The following ANKMY1 variants were observed in gnomAD, a reference collection of about 807,000 sequenced individuals.
The protein encoded by ANKMY1 is ankyrin repeat and MYND domain-containing protein 1.
ANKMY1 carries 98 observed loss-of-function variants against 102.0 expected under a neutral mutation model. The observed-to-expected ratio is 0.96, with a 90% CI of 0.82 to 1.14. ANKMY1 has a LOEUF of 1.14. Ranked by LOEUF, ANKMY1 falls within the 50% of genes most tolerant of loss-of-function variation. ANKMY1 has a pLI of 0.00. For synonymous variants in ANKMY1, 582 were observed against 559.9 expected, an observed-to-expected ratio of 1.04 and a Z score of -0.56; for missense variants, 1,330 against 1,347.6, an observed-to-expected ratio of 0.99 and a Z score of 0.20.
At chr2:240,531,271 C>CT (rs2085323774) in intron 4 of ANKMY1, among the ~76,000 whole-genome samples, 1 of 152,198 alleles carries the variant, frequency 6.6e-6, no homozygotes, top group South Asian at 2.1e-4. Flanking sequence ...ACAAGTGGAA[C>CT]TTTCGTATCT....
At chr2:240,559,637 G>A (rs1439184044), upstream of ANKMY1, among the ~76,000 whole-genome samples, 4 of 152,250 alleles carry the variant, frequency 2.6e-5, no homozygotes, top group Non-Finnish European at 4.4e-5. Flanking sequence ...GAAAGTTGGA[G>A]TCCTTCCTTA....
chr2:240,530,953 A>G (rs1272154471), intron 4 of ANKMY1, among the ~76,000 whole-genome samples: 1 of 152,144 alleles, frequency 6.6e-6, no homozygotes, highest in East Asian at 1.9e-4. Flanking sequence ...AGTAAAAAAA[A>G]AAAAGTCATT....
intron 4 of ANKMY1, among the ~76,000 whole-genome samples, chr2:240,544,166 T>C (rs184632970): frequency 6.6e-6 from 1 of 152,106 alleles, no homozygotes. Flanking sequence ...TATGAAGATA[T>C]ATATTTGTTA....
At position 240,520,604 on chromosome 2, in the gene ANKMY1, C is replaced by A. The variant is rs1017400368; in HGVS notation, c.1833-71G>T. 4.6e-6 allele frequency: 7 copies of A among 1,515,524 alleles called. No homozygotes were observed. The African/African-American group carries it at 8.3e-5, about 18-fold the overall frequency. 93.9% of individuals were successfully genotyped at this position (1,515,524 alleles called of 1,614,324 possible). A position where few individuals can be genotyped will look rare whatever the true frequency, so the allele number is the denominator to read the frequency against. On this transcript the variant is annotated intron_variant, in intron 8 of 17. Transcript: ENST00000401804. The surrounding 1 kb of genome is among the most constrained non-coding windows in gnomAD (Gnocchi z 4.8). ...GCACTGCGCCCAGAACGGGGCCATGCCAGCGAGGAGGCTGGGGAGGGGCGC... is the reference window on the plus strand; with the variant it reads ...GCACTGCGCCCAGAACGGGGCCATGACAGCGAGGAGGCTGGGGAGGGGCGC...
intron 15 of ANKMY1, among the ~76,000 whole-genome samples, chr2:240,489,578 T>C (rs543738931): frequency 6.6e-6 from 1 of 152,358 alleles, no homozygotes; most frequent in Middle Eastern, 3.4e-3. Flanking sequence ...ATGTATCACA[T>C]TTATTAATTT....
Position 240,520,721 on chromosome 2 carries a change from A to G in ANKMY1, c.1833-188T>C, listed in dbSNP as rs923449504. On this transcript the variant is annotated intron_variant, in intron 8 of 17. Transcript: ENST00000401804. The surrounding 1 kb of genome is among the most constrained non-coding windows in gnomAD (Gnocchi z 4.8). ...CACCACACAGCACACAACTACACAC[A>G]AGCCACACCAGAGCGCACACACACG... 1.3e-5 allele frequency among the ~76,000 whole-genome samples: 2 copies of G among 151,518 alleles called. No individual in the cohort carries two copies. The highest frequency in any genetic ancestry group is 2.4e-5 in the African/African-American group (1 of 41,214).
rs2081939012 is a variant in ANKMY1, at chr2:240,520,262, C to T, written c.2004+100G>A. On this transcript the variant is annotated intron_variant, in intron 9 of 17. Coordinates refer to ENST00000401804, the MANE Select transcript of ANKMY1 (RefSeq NM_001282771.3). This position sits in a 1 kb window ranked among gnomAD's most constrained non-coding sequence, Gnocchi z 4.8. ...AGCCCAGGTGGTCGCCTGCAAGAGC[C>T]CACCCCTCTCTTCCGCGCCTAGGTG... 1.3e-6 allele frequency: 2 copies of T among 1,485,392 alleles called. No homozygotes were observed. Among genetic ancestry groups the T allele is most frequent in the East Asian group, 5.0e-5 (2 of 40,088 alleles). 92.0% of individuals were successfully genotyped at this position (1,485,392 alleles called of 1,614,324 possible).
chr2:240,560,903 C>G, upstream of ANKMY1: 1 of 1,525,740 alleles, frequency 6.6e-7, no homozygotes, highest in Non-Finnish European at 8.7e-7. Flanking sequence ...TGTTCGACGA[C>G]CCGGCTGAGG....
chr2:240,468,819 C>G, the ANKMY1 span, among the ~76,000 whole-genome samples: 4 of 152,216 alleles, frequency 2.6e-5, no homozygotes, highest in African/African-American at 7.2e-5. Flanking sequence ...GAGGGAGATG[C>G]AGCTCCACCC....
chr2:240,514,889 T>G (rs1451073844), intron 9 of ANKMY1, among the ~76,000 whole-genome samples: 3 of 152,172 alleles, frequency 2.0e-5, no homozygotes, highest in Admixed American at 6.5e-5. Context: ...GCCACCTCCC[T>G]GGGTTACCAG....
At chr2:240,533,113 C>T (rs1464020594) in intron 4 of ANKMY1, among the ~76,000 whole-genome samples, 1 of 152,140 alleles carries the variant, frequency 6.6e-6, no homozygotes, top group African/African-American at 2.4e-5. Flanking sequence ...GAAAATTAAA[C>T]GTATCTATAA....
chr2:240,557,597 G>A (rs1226544689), intron 1 of ANKMY1, among the ~76,000 whole-genome samples: 1 of 152,206 alleles, frequency 6.6e-6, no homozygotes, highest in African/African-American at 2.4e-5. Flanking sequence ...CTTCGTGGGC[G>A]GGAATCACAG....
intron 2 of ANKMY1, 59 bp downstream of exon 2, chr2:240,557,131 C>T: frequency 7.2e-7 from 1 of 1,388,204 alleles, no homozygotes; most frequent in Non-Finnish European, 9.4e-7. Context: ...AAGGAGAATC[C>T]CGGCTAACCC....
chr2:240,560,782 C>A, upstream of ANKMY1: 1 of 1,459,766 alleles, frequency 6.9e-7, no homozygotes. Flanking sequence ...AGCGCGCGAG[C>A]CGCGGGCGCG....
chr2:240,495,126 A>C (rs1446708639), intron 15 of ANKMY1, among the ~76,000 whole-genome samples: 2 of 152,172 alleles, frequency 1.3e-5, no homozygotes, highest in South Asian at 2.1e-4. Flanking sequence ...GGGCCACCAG[A>C]GGGCTCCTTG....
chr2:240,553,056 G>A lies in ANKMY1; in HGVS notation c.338C>T (p.Ser113Leu). The part of the protein sequence containing the change: ...YGKFSWPTGE[S>L]YHGQFYRDHC... ...GTCCCGGTAAAACTGCCCATGGTATGACTGTGAGATGGAGAAGTTGGTGAG... is the reference window on the plus strand; with the variant it reads ...GTCCCGGTAAAACTGCCCATGGTATAACTGTGAGATGGAGAAGTTGGTGAG... The change falls in exon 4 of 18, where the codon TCA becomes TTA. Residue 113 changes from serine (S) to leucine (L), a missense_variant and splice_region_variant. Coordinates refer to ENST00000401804, the MANE Select transcript of ANKMY1 (RefSeq NM_001282771.3). 1 of 1,612,690 alleles carries A rather than the reference G, an allele frequency of 6.2e-7. No homozygotes were observed. Among genetic ancestry groups the A allele is most frequent in the Non-Finnish European group, 8.5e-7 (1 of 1,178,940 alleles).
chr2:240,496,707 G>A (rs1574947947), intron 15 of ANKMY1, among the ~76,000 whole-genome samples: 1 of 152,310 alleles, frequency 6.6e-6, no homozygotes, highest in African/African-American at 2.4e-5. Flanking sequence ...GGATCTCTTT[G>A]ACTGTCTCCT....
At chr2:240,538,094 C>A (rs960180650) in intron 4 of ANKMY1, among the ~76,000 whole-genome samples, 2 of 152,244 alleles carry the variant, frequency 1.3e-5, no homozygotes, top group Non-Finnish European at 2.9e-5. Flanking sequence ...TTAAGTTTTT[C>A]TTTTAACAAT....
chr2:240,480,166 T>G (rs2075195288), intron 17 of ANKMY1, among the ~76,000 whole-genome samples: 1 of 152,202 alleles, frequency 6.6e-6, no homozygotes. Flanking sequence ...CACTCCAGAC[T>G]TGGCGACAGA....
Sources: gnomAD v4.1 joint callset for allele counts (sites outside exome capture counted in the v4.1 genomes callset) on GRCh38, gnomAD v4.1.1 for gene constraint, Gnocchi (gnomAD v3.1) non-coding constraint, MANE v1.5 for transcripts, NCBI Gene and HGNC (gene_info 2026-07-23, HGNC 2026-07-21) for gene names.